Variants in ZNF90 observed in about 807,000 individuals in gnomAD.
ZNF90 encodes the protein zinc finger protein 90.
ZNF90 carries 11 observed loss-of-function variants against 12.0 expected under a neutral mutation model. That is an observed-to-expected ratio of 0.92 (90% CI 0.58 to 1.52). The LOEUF is 1.52. Among genes scored for constraint, ZNF90 ranks in the 40% most tolerant of loss-of-function variants. The probability of loss-of-function intolerance (pLI) is 0.00; values close to 1 mark genes in which losing one functional copy is unlikely to be tolerated. For synonymous variants in ZNF90, 232 were observed against 240.1 expected (o/e 0.97, Z 0.31); for missense variants, 765 against 711.5 (o/e 1.08, Z -0.86).
At chr19:20,090,642 G>T (rs2088895007) in intron 1 of ZNF90, among the ~76,000 whole-genome samples, 1 of 152,190 alleles carries the variant, frequency 6.6e-6, no homozygotes, top group African/African-American at 2.4e-5. Context: ...TGGCGATCTG[G>T]AGTAGGTAAG....
At position 20,119,504 on chromosome 19, in the gene ZNF90, TAAAG is replaced by T; in HGVS notation, c.*147_*150del. 2 of 733,396 alleles carry T rather than the reference TAAAG, an allele frequency of 2.7e-6. No individual in the cohort carries two copies. The highest frequency in any genetic ancestry group is 2.2e-6 in the Non-Finnish European group (1 of 457,752). 45.4% of individuals were successfully genotyped at this position (733,396 alleles called of 1,614,324 possible). A position where few individuals can be genotyped will look rare whatever the true frequency, so the allele number is the denominator to read the frequency against. On this transcript the variant is annotated 3_prime_UTR_variant, in exon 4 of 4. Coordinates refer to ENST00000418063, the MANE Select transcript of ZNF90 (RefSeq NM_007138.2). ...ATATGAAACATAACTCCTACAAAAA[TAAAG>T]AATGTGACAAATCATTTTAAGGAAG...
intron 1 of ZNF90, among the ~76,000 whole-genome samples, 187 bp downstream of exon 1, chr19:20,078,322 C>T (rs2088793201): frequency 6.6e-6 from 1 of 152,158 alleles, no homozygotes; most frequent in Non-Finnish European, 1.5e-5. Flanking sequence ...CCGGGCCCCG[C>T]GGCGTCCTGT....
chr19:20,115,158 A>C (rs1182202059), intron 3 of ZNF90, among the ~76,000 whole-genome samples: 3 of 152,264 alleles, frequency 2.0e-5, no homozygotes, highest in South Asian at 2.1e-4. Flanking sequence ...TAATATTTAC[A>C]TGACATTTCT....
At chr19:20,098,309 T>A (rs2088964330) in intron 1 of ZNF90, among the ~76,000 whole-genome samples, 1 of 152,200 alleles carries the variant, frequency 6.6e-6, no homozygotes, top group African/African-American at 2.4e-5. Flanking sequence ...TTTTCTGTAT[T>A]GTGAGATGTC....
At position 20,120,031 on chromosome 19, in the gene ZNF90, T is replaced by TTTGTG. The variant is rs1568295675; in HGVS notation, c.*671_*672insTTGTG. 1.4e-4 allele frequency among the ~76,000 whole-genome samples: 22 copies of TTTGTG among 152,182 alleles called. No homozygotes were observed. Among genetic ancestry groups the TTTGTG allele is most frequent in the Non-Finnish European group, 8.8e-5 (6 of 68,010 alleles). On this transcript the variant is annotated 3_prime_UTR_variant, in exon 4 of 4. Transcript: ENST00000418063. ...TACTAGTGTGAAACCCTAGAAATAA[T>TTTGTG]AGAAAATTTGACAAATCCTTTATAT...
chr19:20,111,383 T>C (rs1339379488), intron 3 of ZNF90, among the ~76,000 whole-genome samples: 1 of 152,200 alleles, frequency 6.6e-6, no homozygotes, highest in Non-Finnish European at 1.5e-5. Flanking sequence ...CAAACCCTGC[T>C]AGCTTTTCTG....
At chr19:20,090,803 C>T (rs2088896430) in intron 1 of ZNF90, among the ~76,000 whole-genome samples, 1 of 152,134 alleles carries the variant, frequency 6.6e-6, no homozygotes. Flanking sequence ...TGTAGCATCT[C>T]GAGGACAGGC....
chr19:20,086,973 A>G (rs1027080863), intron 1 of ZNF90: 1 of 152,244 alleles, frequency 6.6e-6, no homozygotes, highest in African/African-American at 2.4e-5. Flanking sequence ...AAGCTCTAAT[A>G]TGTTCCACTA....
chr19:20,084,053 A>T (rs1157130619), intron 1 of ZNF90, among the ~76,000 whole-genome samples: 1 of 136,734 alleles, frequency 7.3e-6, no homozygotes, highest in Non-Finnish European at 1.5e-5. Flanking sequence ...ACCACATTTG[A>T]CCATACCATA....
chr19:20,093,709 C>T (rs1334104486), intron 1 of ZNF90, among the ~76,000 whole-genome samples: 1 of 152,046 alleles, frequency 6.6e-6, no homozygotes, highest in Non-Finnish European at 1.5e-5. Flanking sequence ...CGTCAATACT[C>T]ACAACAGTTA....
rs964409195 is a variant in ZNF90 at position 20,094,792 on chromosome 19, A to G, written c.4-9447A>G. Among the ~76,000 whole-genome samples, 157 of 151,504 alleles carry G rather than the reference A, an allele frequency of 1.0e-3. 1 individual carries two copies. The highest frequency in any genetic ancestry group is 3.7e-3 in the African/African-American group (155 of 41,360). On this transcript the variant is annotated intron_variant, in intron 1 of 3. Transcript: ENST00000418063. ...GACATTGGAATTCCTGTGTATATTT[A>G]GTGGGGTCTGATGAGAAAGAGCCTA... is the stretch of plus-strand genomic sequence containing the variant.
chr19:20,089,299 A>C (rs542131686), intron 1 of ZNF90, among the ~76,000 whole-genome samples: 1 of 152,240 alleles, frequency 6.6e-6, no homozygotes, highest in East Asian at 1.9e-4. Flanking sequence ...AGGGCCTGGG[A>C]GGAGAGTCTG....
intron 1 of ZNF90, among the ~76,000 whole-genome samples, chr19:20,082,254 T>C (rs554716940): frequency 6.4e-4 from 98 of 152,310 alleles, no homozygotes; most frequent in African/African-American, 2.3e-3. Context: ...TCTCAGTGTC[T>C]GTTATTCTCC....
intron 1 of ZNF90, among the ~76,000 whole-genome samples, chr19:20,093,355 G>A (rs1170025509): frequency 1.3e-5 from 2 of 152,194 alleles, no homozygotes; most frequent in Non-Finnish European, 2.9e-5. Context: ...CATGCTGTGG[G>A]ATGGAATATT....
In ZNF90 at chr19:20,119,133, C is replaced by T. The variant is rs2122534653; in HGVS notation, c.1579C>T (p.His527Tyr). The T allele has an allele frequency of 1.2e-6, 2 of 1,613,226 alleles. No individual in the cohort carries two copies. The highest frequency in any genetic ancestry group is 1.7e-6 in the Non-Finnish European group (2 of 1,179,640). Residue 527 changes from histidine (H) to tyrosine (Y), a missense_variant, in exon 4 of 4, where the codon CAT (histidine) becomes TAT (tyrosine). By Grantham distance (83) the His-to-Tyr change is moderately conservative (BLOSUM62 2). Transcript: ENST00000418063. ...AFKRSSVLSK[H>Y]KIIHTGAKPY... ...CAAGCGCTCCTCAGTCCTTAGTAAA[C>T]ATAAGATAATTCATACTGGAGCGAA...
intron 1 of ZNF90, among the ~76,000 whole-genome samples, chr19:20,095,546 T>C (rs1555703161): frequency 6.6e-6 from 1 of 150,992 alleles, no homozygotes; most frequent in South Asian, 2.1e-4. Flanking sequence ...GTTCTTACCC[T>C]CCAGAAAAGC....
intron 3 of ZNF90, among the ~76,000 whole-genome samples, chr19:20,108,116 A>T (rs1296238061): frequency 6.6e-6 from 1 of 150,648 alleles, no homozygotes; most frequent in Non-Finnish European, 1.5e-5. Context: ...CCATATATTT[A>T]AAACATTTGT....
intron 1 of ZNF90, among the ~76,000 whole-genome samples, chr19:20,085,098 C>G (rs1555701902): frequency 1.3e-5 from 2 of 151,938 alleles, no homozygotes; most frequent in Admixed American, 1.3e-4. Context: ...TTTTGTAAAT[C>G]AAAATGAAAT....
At chr19:20,115,824 A>C (rs2089132261) in intron 3 of ZNF90, among the ~76,000 whole-genome samples, 1 of 151,918 alleles carries the variant, frequency 6.6e-6, no homozygotes, top group African/African-American at 2.4e-5. Context: ...CCTGATCTTC[A>C]GTAGTTGTCT....
Sources: gnomAD v4.1 joint callset for allele counts (sites outside exome capture counted in the v4.1 genomes callset) on GRCh38, gnomAD v4.1.1 for gene constraint, MANE v1.5 for transcripts, NCBI Gene and HGNC (gene_info 2026-07-23, HGNC 2026-07-21) for gene names.